The following NLK variants were observed in gnomAD, a reference collection of about 807,000 sequenced individuals.
NLK encodes nemo like kinase.
In NLK, 11 loss-of-function variants were observed where a neutral mutation model predicts 59.0. That is an observed-to-expected ratio of 0.19 (90% CI 0.12 to 0.31). The LOEUF is 0.31. NLK is among the 10% of genes least tolerant of loss of function. The pLI is 1.00. For missense variants in NLK, 410 were observed against 661.1 expected (o/e 0.62, Z 4.16); for synonymous variants, 235 against 235.9 (o/e 1.00, Z 0.03).
rs144280809 is a variant in NLK at position 28,078,409 on chromosome 17, C to G, written c.458+35078C>G. 7.9e-3 allele frequency among the ~76,000 whole-genome samples: 1,200 copies of G among 152,058 alleles called. 12 individuals are homozygous for G. Among genetic ancestry groups the G allele is most frequent in the South Asian group, 0.017 (83 of 4,804 alleles). On this transcript the variant is annotated intron_variant, in intron 1 of 10. Transcript: ENST00000407008. ...GGTTTACAGCAAAATTTGGGAAGTA[C>G]GGAGTTCCTGCCTATCTCCCCTGTG... is the stretch of plus-strand genomic sequence containing the variant.
chr17:28,092,212 A>T (rs1904518968), intron 1 of NLK, among the ~76,000 whole-genome samples: 1 of 146,240 alleles, frequency 6.8e-6, no homozygotes, highest in Non-Finnish European at 1.5e-5. Context: ...ATCTTAATGC[A>T]TTAAGACTGG....
chr17:28,095,626 A>G (rs1443099180), intron 1 of NLK, among the ~76,000 whole-genome samples: 1 of 152,196 alleles, frequency 6.6e-6, no homozygotes. Flanking sequence ...AGATTATCCT[A>G]TGATTCCAGA....
chr17:28,170,861 C>G (rs1908432597), intron 6 of NLK, among the ~76,000 whole-genome samples: 1 of 152,188 alleles, frequency 6.6e-6, no homozygotes, highest in African/African-American at 2.4e-5. Flanking sequence ...GTTTGGCAGT[C>G]TGACATAGCC....
At position 28,175,261 on chromosome 17, in the gene NLK, T is replaced by C. The variant is rs1384783535; in HGVS notation, c.1149+2643T>C. 2.0e-5 allele frequency among the ~76,000 whole-genome samples: 3 copies of C among 150,668 alleles called. No individual in the cohort carries two copies. The South Asian group carries it at 6.3e-4, about 32-fold the overall frequency. On this transcript the variant is annotated intron_variant, in intron 7 of 10. Transcript: ENST00000407008. ...GAGATCGAGATCATCCTGGCTAACA[T>C]GGTGAAACCCCGTCTCTACTAAAAA...
At chr17:28,060,818 G>T (rs937115930) in intron 1 of NLK, among the ~76,000 whole-genome samples, 1 of 152,186 alleles carries the variant, frequency 6.6e-6, no homozygotes, top group Non-Finnish European at 1.5e-5. Flanking sequence ...TAGCATGGAT[G>T]GATGGAGTCT....
intron 2 of NLK, among the ~76,000 whole-genome samples, chr17:28,132,369 T>C (rs991715477): frequency 6.6e-6 from 1 of 152,184 alleles, no homozygotes; most frequent in Non-Finnish European, 1.5e-5. Flanking sequence ...AACTCTCTCC[T>C]GTGCAGGGAT....
intron 1 of NLK, among the ~76,000 whole-genome samples, chr17:28,083,908 G>A (rs190129279): frequency 8.2e-4 from 125 of 152,210 alleles, no homozygotes; most frequent in East Asian, 5.8e-3. Context: ...GTTATGTTGA[G>A]TAGTCCTCAA....
chr17:28,107,237 C>G (rs1461880067), intron 1 of NLK, among the ~76,000 whole-genome samples: 1 of 151,910 alleles, frequency 6.6e-6, no homozygotes, highest in Non-Finnish European at 1.5e-5. Flanking sequence ...AGTTCAAGAC[C>G]AGCCTGGCCA....
intron 1 of NLK, among the ~76,000 whole-genome samples, chr17:28,115,701 T>G (rs1905735297): frequency 6.6e-6 from 1 of 152,164 alleles, no homozygotes; most frequent in African/African-American, 2.4e-5. Context: ...GTTGACAATT[T>G]TACAATGTTG....
At position 28,169,721 on chromosome 17, in the gene NLK, C is replaced by CTTTTT. The variant is rs1193124964; in HGVS notation, c.1047+1078_1047+1082dup. On this transcript the variant is annotated intron_variant, in intron 6 of 10. Coordinates refer to ENST00000407008, the MANE Select transcript of NLK (RefSeq NM_016231.5). The stretch of plus-strand genomic sequence containing the variant: ...TCCTTTTTTTTTGCTGCTTCTTCTT[C>CTTTTT]TTTTTTTTTTTTTTTTTTGGCCCCT... Among the ~76,000 whole-genome samples, 40 of 111,602 alleles carry CTTTTT rather than the reference C, an allele frequency of 3.6e-4. 1 individual carries two copies. The highest frequency in any genetic ancestry group is 1.3e-3 in the African/African-American group (38 of 29,272). The allele number at this position is 111,602 out of a possible 152,430, so 73.2% of individuals were successfully genotyped here.
At chr17:28,158,367 G>A (rs1367365542) in intron 3 of NLK, among the ~76,000 whole-genome samples, 1 of 152,186 alleles carries the variant, frequency 6.6e-6, no homozygotes, top group African/African-American at 2.4e-5. Flanking sequence ...AATGGAGCTT[G>A]CAAGACTGGA....
intron 1 of NLK, among the ~76,000 whole-genome samples, chr17:28,105,936 A>G (rs1905065146): frequency 6.6e-6 from 1 of 152,304 alleles, no homozygotes; most frequent in South Asian, 2.1e-4. Context: ...TCTGTTTGCA[A>G]TGTTTGATGT....
chr17:28,197,468 CAAA>C (rs1158938151), downstream of NLK, among the ~76,000 whole-genome samples: 2 of 84,630 alleles, frequency 2.4e-5, no homozygotes, highest in Non-Finnish European at 2.6e-5. Context: ...GATTCTGTCT[CAAA>C]AAAAAAAAAA....
intron 5 of NLK, among the ~76,000 whole-genome samples, chr17:28,167,530 A>G (rs996130952): frequency 6.6e-6 from 1 of 152,020 alleles, no homozygotes; most frequent in Non-Finnish European, 1.5e-5. Flanking sequence ...TGCCTGGCCA[A>G]CAGTTGGTCT....
intron 1 of NLK, among the ~76,000 whole-genome samples, chr17:28,057,240 C>A (rs1909475174): frequency 6.6e-6 from 1 of 152,152 alleles, no homozygotes. Context: ...CAGGCGTGAG[C>A]CACCACGCCC....
At chr17:28,113,938 A>G (rs1905638802) in intron 1 of NLK, among the ~76,000 whole-genome samples, 1 of 151,966 alleles carries the variant, frequency 6.6e-6, no homozygotes, top group South Asian at 2.1e-4. Context: ...TAAACATTAT[A>G]GTTTAACTTT....
At chr17:28,067,922 C>T (rs1268169184) in intron 1 of NLK, among the ~76,000 whole-genome samples, 2 of 151,718 alleles carry the variant, frequency 1.3e-5, no homozygotes, top group Non-Finnish European at 2.9e-5. Context: ...AGGTGAATCA[C>T]CTGAGGTCAA....
chr17:28,091,612 C>T (rs2142778396), intron 1 of NLK, among the ~76,000 whole-genome samples: 1 of 152,130 alleles, frequency 6.6e-6, no homozygotes, highest in Non-Finnish European at 1.5e-5. Flanking sequence ...TTTCAGTAAT[C>T]TACCAAATAA....
chr17:28,151,564 C>A (rs1201906434), intron 3 of NLK, among the ~76,000 whole-genome samples: 1 of 152,092 alleles, frequency 6.6e-6, no homozygotes, highest in Non-Finnish European at 1.5e-5. Context: ...ATTTTCCAGT[C>A]TTTTATGTTT....
Sources: gnomAD v4.1 joint callset for allele counts (sites outside exome capture counted in the v4.1 genomes callset) on GRCh38, gnomAD v4.1.1 for gene constraint, MANE v1.5 for transcripts, NCBI Gene and HGNC (gene_info 2026-07-23, HGNC 2026-07-21) for gene names.